SETD7: variants seen among roughly 807,000 people sequenced by gnomAD.
SETD7 encodes the protein SET domain containing 7, histone lysine methyltransferase, also known as histone-lysine N-methyltransferase SETD7.
Under a neutral mutation model 41.8 loss-of-function variants are expected in SETD7, and 16 were observed. That is an observed-to-expected ratio of 0.38 (90% CI 0.26 to 0.58). The LOEUF (loss-of-function observed/expected upper bound fraction) is 0.58, where lower values mean the gene tolerates loss of function less well. Among genes scored for constraint, SETD7 ranks in the 20% least tolerant of loss-of-function variants. The probability of loss-of-function intolerance (pLI) is 0.64; values close to 1 mark genes in which losing one functional copy is unlikely to be tolerated. For missense variants in SETD7, 346 were observed against 459.7 expected, an observed-to-expected ratio of 0.75 and a Z score of 2.26; for synonymous variants, 163 against 169.7, an observed-to-expected ratio of 0.96 and a Z score of 0.31.
chr4:139,512,752 CTTTTTTTTTTTTT>C (rs140570195), intron 7 of SETD7, among the ~76,000 whole-genome samples: 1 of 75,536 alleles, frequency 1.3e-5, no homozygotes, highest in African/African-American at 4.9e-5. Context: ...TTTTCTTATT[CTTTTTTTTTTTTT>C]TTTTTTTTTT....
Position 139,523,277 on chromosome 4 carries a change from A to G in SETD7, c.644+77T>C, listed in dbSNP as rs1727230822. On this transcript the variant is annotated intron_variant, in intron 5 of 7. Transcript: ENST00000274031. ...ACCCAGCCTGGGCAGAGAGCCAAAG[A>G]GGTGCATAAGTTCCTACCACTAGGC... 7 of 1,043,848 alleles carry G rather than the reference A, an allele frequency of 6.7e-6. No individual in the cohort carries two copies. In the African/African-American group the frequency reaches 1.1e-4, roughly 16 times the overall value. 64.7% of individuals were successfully genotyped at this position (1,043,848 alleles called of 1,614,324 possible).
rs370059103 is a variant in SETD7 at position 139,520,409 on chromosome 4, G to T, written c.645-15C>A. ...CAACATAAACCCTAAATTGAAAAAA[G>T]AGTTGAATAGTGACCTTTTCAGCTT... On this transcript the variant is annotated splice_polypyrimidine_tract_variant and intron_variant, in intron 5 of 7. Transcript: ENST00000274031. 2.7e-6 allele frequency: 4 copies of T among 1,473,114 alleles called. No individual in the cohort carries two copies. Among genetic ancestry groups the T allele is most frequent in the Non-Finnish European group, 3.8e-6 (4 of 1,064,582 alleles). The allele number at this position is 1,473,114 out of a possible 1,614,324, so 91.3% of individuals were successfully genotyped here.
intron 2 of SETD7, among the ~76,000 whole-genome samples, chr4:139,544,803 T>TGTGTGTGTGTGC (rs1727891640): frequency 9.9e-6 from 1 of 101,314 alleles, no homozygotes; most frequent in African/African-American, 4.2e-5. Context: ...TTAAAGTGTG[T>TGTGTGTGTGTGC]GTGTGTGTGT....
chr4:139,551,645 T>G (rs1380818304), intron 1 of SETD7, among the ~76,000 whole-genome samples: 1 of 151,764 alleles, frequency 6.6e-6, no homozygotes, highest in Non-Finnish European at 1.5e-5. Context: ...GATCTGAGAG[T>G]GGCGTGTGAG....
intron 4 of SETD7, among the ~76,000 whole-genome samples, chr4:139,525,830 T>C (rs897832529): frequency 1.3e-5 from 2 of 152,134 alleles, no homozygotes; most frequent in African/African-American, 2.4e-5. Context: ...GATACAAACA[T>C]GGCAGAACAT....
intron 2 of SETD7, among the ~76,000 whole-genome samples, chr4:139,543,269 A>T (rs1727828343): frequency 6.6e-6 from 1 of 152,240 alleles, no homozygotes; most frequent in Non-Finnish European, 1.5e-5. Context: ...AGTAATAGAC[A>T]AATATAAATA....
chr4:139,547,061 G>A lies in SETD7; in HGVS notation c.41-12C>T. The A allele has an allele frequency of 6.2e-7, 1 of 1,613,716 alleles. No homozygotes were observed. Among genetic ancestry groups the A allele is most frequent in the Non-Finnish European group, 8.5e-7 (1 of 1,179,882 alleles). ...ATCGTCCAGGTGCCCTGGAGAAAGG[G>A]AACCACAAGGCAAACCTTAACATCT... On this transcript the variant is annotated splice_polypyrimidine_tract_variant and intron_variant, in intron 1 of 7. Coordinates refer to ENST00000274031, the MANE Select transcript of SETD7 (RefSeq NM_030648.4).
In SETD7 at chr4:139,529,098, T is replaced by C. The variant is rs751513603; in HGVS notation, c.495A>G (p.Ile165Met). 1 of 1,614,130 alleles carries C rather than the reference T, an allele frequency of 6.2e-7. No homozygotes were observed. The highest frequency in any genetic ancestry group is 1.1e-5 in the South Asian group (1 of 91,064). The change falls in exon 4 of 8, where the codon ATA becomes ATG. Residue 165 changes from isoleucine (I) to methionine (M), a missense_variant. This residue lies in a region of SETD7 where 266 missense variants were observed against 377.0 expected (regional missense o/e 0.71). Transcript: ENST00000274031. ...ACATAAGGGTAGCCAGTTTGCCTTCTATCATCTCTCCATCAATAAATTTCC... is the reference window on the plus strand; with the variant it reads ...ACATAAGGGTAGCCAGTTTGCCTTCCATCATCTCTCCATCAATAAATTTCC... ...LYGKFIDGEM[I>M]EGKLATLMST...
intron 2 of SETD7, among the ~76,000 whole-genome samples, chr4:139,540,226 A>C (rs763048314): frequency 8.5e-5 from 13 of 152,198 alleles, no homozygotes; most frequent in Non-Finnish European, 1.0e-4. Flanking sequence ...AGGGAGGCCA[A>C]ATAGCTAGAA....
chr4:139,546,671 C>G, intron 2 of SETD7: 1 of 499,178 alleles, frequency 2.0e-6, no homozygotes, highest in African/African-American at 1.9e-5. Flanking sequence ...TGGGGGCCCC[C>G]AAATCTGGTA....
chr4:139,540,499 G>A (rs1246388272), intron 2 of SETD7, among the ~76,000 whole-genome samples: 2 of 152,184 alleles, frequency 1.3e-5, no homozygotes, highest in Non-Finnish European at 2.9e-5. Context: ...AATTGAATTC[G>A]CCTTGGTGTG....
exon 8 of SETD7, chr4:139,496,309 C>T (rs1223006309): frequency 1.5e-6 from 1 of 686,740 alleles, no homozygotes; most frequent in Non-Finnish European, 2.6e-6. Context: ...TGACAATTGC[C>T]ATTATCAGTA....
intron 1 of SETD7, among the ~76,000 whole-genome samples, chr4:139,549,784 A>C (rs1728061577): frequency 6.6e-6 from 1 of 151,744 alleles, no homozygotes; most frequent in Admixed American, 6.6e-5. Context: ...TAAAAAAAAA[A>C]ATTTTTTTTT....
At position 139,546,902 on chromosome 4, in the gene SETD7, T is replaced by C. The variant is rs759651194; in HGVS notation, c.170+18A>G. On this transcript the variant is annotated intron_variant, in intron 2 of 7. Transcript: ENST00000274031. ...AATTCGGTACCCCCAAAGAACAAAA[T>C]AAAACTGTGAGTGCTACCTGCCATC... The C allele has an allele frequency of 5.0e-6, 8 of 1,614,078 alleles. No homozygotes were observed. Among genetic ancestry groups the C allele is most frequent in the Non-Finnish European group, 5.1e-6 (6 of 1,179,986 alleles).
Position 139,529,217 on chromosome 4 carries a change from C to T in SETD7, c.376G>A (p.Gly126Arg). 1.2e-6 allele frequency: 2 copies of T among 1,605,656 alleles called. No homozygotes were observed. The highest frequency in any genetic ancestry group is 1.7e-6 in the Non-Finnish European group (2 of 1,177,878). ...TTTACTTCTCCTACAAGGCTTCCTC[C>T]ATCCTGATGGGAGAAACCAAAAACC... The part of the protein sequence containing the change: ...HGVCWIYYPD[G>R]GSLVGEVNED... Residue 126 changes from glycine (G) to arginine (R), a missense_variant, in exon 4 of 8, where the codon GGA (glycine) becomes AGA (arginine). Physicochemically the swap from Gly to Arg is moderately radical, Grantham distance 125. Coordinates refer to ENST00000274031, the MANE Select transcript of SETD7 (RefSeq NM_030648.4).
chr4:139,529,163 T>C lies in SETD7; in HGVS notation c.430A>G (p.Ile144Val). Reference sequence around the variant, plus strand: ...CTCTCATCAGGGTACACATAGGCTATCTTCTCTCCAGTCATCTCCCCATCT... The same window carrying C: ...CTCTCATCAGGGTACACATAGGCTACCTTCTCTCCAGTCATCTCCCCATCT... ...NEDGEMTGEK[I>V]AYVYPDERTA... The change falls in exon 4 of 8, where the codon ATA becomes GTA. Residue 144 changes from isoleucine to valine, a missense_variant. Around this residue, in one of 3 missense-constraint regions of SETD7, gnomAD observed 266 missense variants for 377.0 expected, o/e 0.71. Coordinates refer to ENST00000274031, the MANE Select transcript of SETD7 (RefSeq NM_030648.4). The C allele has an allele frequency of 1.2e-6, 2 of 1,614,096 alleles. No homozygotes were observed. Among genetic ancestry groups the C allele is most frequent in the Middle Eastern group, 1.6e-4 (1 of 6,062 alleles).
chr4:139,505,317 G>T (rs751071158), downstream of SETD7, among the ~76,000 whole-genome samples: 1 of 152,150 alleles, frequency 6.6e-6, no homozygotes, highest in Non-Finnish European at 1.5e-5. Context: ...GGCTGGGCAC[G>T]GTGACTCATG....
rs531728266 is a variant in SETD7, at chr4:139,528,886, A to G, written c.562+145T>C. 2.2e-4 allele frequency: 149 copies of G among 667,882 alleles called. 2 individuals carry two copies. Among genetic ancestry groups the G allele is most frequent in the Middle Eastern group, 1.5e-3 (4 of 2,606 alleles). The allele number at this position is 667,882 out of a possible 1,614,324, so 41.4% of individuals were successfully genotyped here. A position where few individuals can be genotyped will look rare whatever the true frequency, so the allele number is the denominator to read the frequency against. ...CTGTTGTAAACCACTGGGGAGGTGC[A>G]GTGTCTGTTATGCAATAAAACCTGA... On this transcript the variant is annotated intron_variant, in intron 4 of 7. Coordinates refer to ENST00000274031, the MANE Select transcript of SETD7 (RefSeq NM_030648.4).
intron 2 of SETD7, among the ~76,000 whole-genome samples, chr4:139,545,164 T>C (rs1727902744): frequency 6.6e-6 from 1 of 151,916 alleles, no homozygotes; most frequent in Non-Finnish European, 1.5e-5. Flanking sequence ...AAAAGAGTCA[T>C]AGGAAAGAAA....
Sources: gnomAD v4.1 joint callset for allele counts (sites outside exome capture counted in the v4.1 genomes callset) on GRCh38, gnomAD v4.1.1 for gene constraint, gnomAD v4.1.1 regional missense constraint, MANE v1.5 for transcripts, NCBI Gene and HGNC (gene_info 2026-07-23, HGNC 2026-07-21) for gene names.